Variants in CEP112 observed in about 807,000 individuals in gnomAD.
CEP112 encodes the protein centrosomal protein of 112 kDa.
In CEP112, 127 loss-of-function variants were observed where a neutral mutation model predicts 153.0. The ratio of observed to expected loss-of-function variants is 0.83; its 90% confidence interval spans 0.72 to 0.96. The LOEUF is 0.96. CEP112 is among the 40% of genes least tolerant of loss of function. The pLI is 0.00. For missense variants in CEP112, 1,089 were observed against 1,101.2 expected (o/e 0.99, Z 0.16); for synonymous variants, 358 against 374.4 (o/e 0.96, Z 0.51).
chr17:66,159,787 G>A (rs573747646), intron 4 of CEP112, among the ~76,000 whole-genome samples: 7 of 152,116 alleles, frequency 4.6e-5, no homozygotes, highest in African/African-American at 1.7e-4. Flanking sequence ...TTTGAAAACC[G>A]GCATAAGACA....
intron 20 of CEP112, among the ~76,000 whole-genome samples, chr17:65,898,121 T>C (rs2059719573): frequency 6.6e-6 from 1 of 152,144 alleles, no homozygotes. Flanking sequence ...ATGTTTATTA[T>C]AAAATGCTGC....
chr17:65,833,842 A>G (rs964114177), intron 21 of CEP112, among the ~76,000 whole-genome samples: 11 of 152,228 alleles, frequency 7.2e-5, no homozygotes, highest in African/African-American at 2.4e-4. Flanking sequence ...CACAATTAGA[A>G]AAAACTATTT....
At chr17:65,959,053 C>T (rs1367461009) in intron 18 of CEP112, among the ~76,000 whole-genome samples, 1 of 152,020 alleles carries the variant, frequency 6.6e-6, no homozygotes, top group Non-Finnish European at 1.5e-5. Context: ...AGGAGCAACT[C>T]ATCCCAGGGC....
At chr17:65,833,106 C>T (rs2057155712) in intron 21 of CEP112, among the ~76,000 whole-genome samples, 1 of 152,032 alleles carries the variant, frequency 6.6e-6, no homozygotes, top group African/African-American at 2.4e-5. Flanking sequence ...AGACAAAAAC[C>T]ACATGATTAT....
chr17:65,831,512 G>A lies in CEP112; in HGVS notation c.2394+20292C>T, dbSNP rs529722792. ...GCGGAGCTTGCAGTGAGCCAAGATC[G>A]CGCCACTGCACTCCAGCCTGGGCGA... On this transcript the variant is annotated intron_variant, in intron 21 of 26. Transcript: ENST00000535342. Among the ~76,000 whole-genome samples the A allele has an allele frequency of 2.5e-3, 380 of 150,528 alleles. 3 individuals carry two copies. The highest frequency in any genetic ancestry group is 3.7e-3 in the Non-Finnish European group (253 of 67,674).
intron 21 of CEP112, among the ~76,000 whole-genome samples, chr17:65,753,650 C>T (rs1177581661): frequency 2.0e-5 from 3 of 152,150 alleles, no homozygotes; most frequent in Non-Finnish European, 4.4e-5. Flanking sequence ...TGTCTTGGCT[C>T]ACATTCTGTC....
At chr17:66,165,617 G>T (rs1418012155) in intron 4 of CEP112, among the ~76,000 whole-genome samples, 2 of 152,150 alleles carry the variant, frequency 1.3e-5, no homozygotes, top group African/African-American at 4.8e-5. Flanking sequence ...AAAGTAAAAA[G>T]ATTCTTTTGC....
chr17:65,879,566 G>A (rs528460704), intron 20 of CEP112, among the ~76,000 whole-genome samples: 50 of 152,058 alleles, frequency 3.3e-4, no homozygotes, highest in African/African-American at 1.2e-3. Context: ...AAGAATCATC[G>A]AGCAGATAAG....
chr17:65,788,633 T>C (rs1287367596), intron 21 of CEP112, among the ~76,000 whole-genome samples: 3 of 152,164 alleles, frequency 2.0e-5, no homozygotes, highest in Non-Finnish European at 4.4e-5. Flanking sequence ...CTAAAAATGT[T>C]TCCATCTTAT....
intron 6 of CEP112, among the ~76,000 whole-genome samples, chr17:66,116,460 T>A (rs935980714): frequency 4.6e-5 from 7 of 152,204 alleles, no homozygotes; most frequent in Non-Finnish European, 8.8e-5. Context: ...AAATAAGGGA[T>A]CTTTGATCCT....
intron 18 of CEP112, among the ~76,000 whole-genome samples, chr17:65,956,314 CA>C (rs1218910898): frequency 1.3e-5 from 2 of 151,810 alleles, no homozygotes; most frequent in African/African-American, 4.8e-5. Flanking sequence ...ATGTTTATAG[CA>C]GCACAATTTG....
chr17:66,149,868 GTTTTTTTTTTTGTTTGTTTGTTTTTTTTT>G (rs2071095849), intron 4 of CEP112, among the ~76,000 whole-genome samples: 1 of 79,550 alleles, frequency 1.3e-5, no homozygotes, highest in Admixed American at 1.4e-4. Context: ...TAAATTTAGG[GTTTTTTTTTTTGTTTGTTTGTTTTTTTTT>G]TTTTTTTTTT....
intron 21 of CEP112, among the ~76,000 whole-genome samples, chr17:65,762,931 C>G (rs1380753828): frequency 6.6e-6 from 1 of 151,922 alleles, no homozygotes; most frequent in East Asian, 1.9e-4. Context: ...ATCAAAGTTT[C>G]TTACCTATAT....
intron 21 of CEP112, among the ~76,000 whole-genome samples, chr17:65,753,486 G>A (rs912060579): frequency 5.9e-5 from 9 of 151,852 alleles, no homozygotes; most frequent in African/African-American, 1.9e-4. Context: ...TAATCCCATC[G>A]AGTACACAGG....
intron 24 of CEP112, among the ~76,000 whole-genome samples, chr17:65,647,722 A>G (rs1853688201): frequency 6.6e-6 from 1 of 150,692 alleles, no homozygotes; most frequent in South Asian, 2.1e-4. Context: ...GGCTCAAGTG[A>G]TCCTCATGCC....
At chr17:65,762,947 T>C (rs1354048558) in intron 21 of CEP112, among the ~76,000 whole-genome samples, 3 of 152,104 alleles carry the variant, frequency 2.0e-5, no homozygotes, top group Non-Finnish European at 4.4e-5. Flanking sequence ...TATATCATTT[T>C]CATTTTATCT....
intron 6 of CEP112, among the ~76,000 whole-genome samples, chr17:66,099,342 A>G (rs771229175): frequency 6.6e-6 from 1 of 152,012 alleles, no homozygotes; most frequent in Non-Finnish European, 1.5e-5. Flanking sequence ...CGTCTCTACT[A>G]AAAATACAAA....
chr17:66,027,939 AAGAGAGAGACAG>A (rs1239598536), intron 15 of CEP112, among the ~76,000 whole-genome samples: 2 of 150,092 alleles, frequency 1.3e-5, no homozygotes, highest in African/African-American at 4.9e-5. Flanking sequence ...AAAGGTGCAA[AAGAGAGAGACAG>A]AGGGAGAGAG....
intron 18 of CEP112, among the ~76,000 whole-genome samples, chr17:65,954,065 C>T (rs562563744): frequency 5.9e-5 from 9 of 152,302 alleles, no homozygotes; most frequent in African/African-American, 1.9e-4. Context: ...GCGCACTAAA[C>T]AAAAACACAA....
Sources: gnomAD v4.1 joint callset for allele counts (sites outside exome capture counted in the v4.1 genomes callset) on GRCh38, gnomAD v4.1.1 for gene constraint, MANE v1.5 for transcripts, NCBI Gene and HGNC (gene_info 2026-07-23, HGNC 2026-07-21) for gene names.